Variants in UNC13C observed in about 807,000 individuals in gnomAD.
UNC13C encodes the protein protein unc-13 homolog C.
A neutral mutation model predicts 245.4 loss-of-function variants in UNC13C; 174 were observed. The observed-to-expected ratio is 0.71, with a 90% CI of 0.63 to 0.80. The LOEUF is 0.80. Ranked by LOEUF, UNC13C falls within the 30% of genes least tolerant of loss-of-function variation. The pLI, the probability that UNC13C is intolerant of heterozygous loss-of-function variation, is 0.00. For synonymous variants in UNC13C, 992 were observed against 895.1 expected, an observed-to-expected ratio of 1.11 and a Z score of -1.93; for missense variants, 2,829 against 2,602.9, an observed-to-expected ratio of 1.09 and a Z score of -1.89.
intron 14 of UNC13C, among the ~76,000 whole-genome samples, chr15:54,328,522 A>G (rs1202739785): frequency 6.6e-6 from 1 of 152,108 alleles, no homozygotes; most frequent in African/African-American, 2.4e-5. Flanking sequence ...AGGGCTGAAG[A>G]GCTTAAGCAT....
intron 2 of UNC13C, among the ~76,000 whole-genome samples, chr15:54,109,198 C>T (rs1347085343): frequency 6.6e-6 from 1 of 150,880 alleles, no homozygotes; most frequent in Non-Finnish European, 1.5e-5. Flanking sequence ...TAGTTAGCAA[C>T]CTCTCTGCTA....
intron 4 of UNC13C, among the ~76,000 whole-genome samples, chr15:54,189,022 T>C (rs1212643628): frequency 6.6e-6 from 1 of 152,170 alleles, no homozygotes; most frequent in Non-Finnish European, 1.5e-5. Context: ...GAATGCTGGT[T>C]TTTAGGTGAA....
chr15:54,295,577 G>A (rs555649899), intron 11 of UNC13C, among the ~76,000 whole-genome samples: 1 of 152,054 alleles, frequency 6.6e-6, no homozygotes, highest in African/African-American at 2.4e-5. Flanking sequence ...CTCGAATCCA[G>A]GACACTGAGG....
intron 19 of UNC13C, among the ~76,000 whole-genome samples, chr15:54,456,582 C>T (rs77479207): frequency 0.015 from 2,178 of 145,666 alleles, 44 homozygotes; most frequent in African/African-American, 0.05. Flanking sequence ...TAGGTTTACT[C>T]CTATGTATTT....
intron 19 of UNC13C, among the ~76,000 whole-genome samples, chr15:54,430,303 T>C (rs921757095): frequency 1.3e-5 from 2 of 151,706 alleles, no homozygotes; most frequent in African/African-American, 4.8e-5. Flanking sequence ...CTGGAGCATA[T>C]TGGTTACTGC....
intron 2 of UNC13C, among the ~76,000 whole-genome samples, chr15:54,083,500 T>G (rs1899067585): frequency 6.6e-6 from 1 of 152,122 alleles, no homozygotes; most frequent in Admixed American, 6.5e-5. Flanking sequence ...AAAAGCACTT[T>G]CTCCAAGTGT....
chr15:53,972,671 C>G, the UNC13C span: 1 of 152,116 alleles, frequency 6.6e-6, no homozygotes, highest in Non-Finnish European at 1.5e-5. Flanking sequence ...AATTCTCACC[C>G]AGTCATCAGG....
At chr15:54,020,012 T>C (rs1895824158) in intron 2 of UNC13C, among the ~76,000 whole-genome samples, 2 of 152,074 alleles carry the variant, frequency 1.3e-5, no homozygotes, top group South Asian at 2.1e-4. Flanking sequence ...ACACACACAA[T>C]TAAAAACATA....
chr15:53,959,837 C>A, the UNC13C span, among the ~76,000 whole-genome samples: 2 of 152,260 alleles, frequency 1.3e-5, no homozygotes, highest in Admixed American at 6.5e-5. Flanking sequence ...TATATTTCTT[C>A]ATGGACTTCA....
intron 26 of UNC13C, among the ~76,000 whole-genome samples, chr15:54,537,740 C>T (rs1896047055): frequency 1.3e-5 from 2 of 151,104 alleles, no homozygotes; most frequent in South Asian, 2.1e-4. Context: ...AGGGAAAGAA[C>T]TTCCTAGTCA....
intron 6 of UNC13C, among the ~76,000 whole-genome samples, chr15:54,237,063 G>A (rs1266080921): frequency 6.6e-6 from 1 of 152,080 alleles, no homozygotes; most frequent in Non-Finnish European, 1.5e-5. Flanking sequence ...GATCACTCAA[G>A]TTACCAGCAT....
At chr15:53,909,880 T>A in the UNC13C span, among the ~76,000 whole-genome samples, 1 of 146,916 alleles carries the variant, frequency 6.8e-6, no homozygotes, top group Non-Finnish European at 1.5e-5. Flanking sequence ...GGGAACCACT[T>A]GAGCACTGAA....
chr15:54,428,296 G>T lies in UNC13C; in HGVS notation c.4933+13229G>T, dbSNP rs569986497. On this transcript the variant is annotated intron_variant, in intron 19 of 32. Coordinates refer to ENST00000260323, the MANE Select transcript of UNC13C (RefSeq NM_001080534.3). ...TCTTTACCCTGAACTGGAAGGCCCC[G>T]CATTGTTGCTGGAGGCCCTGTCTCT... is the stretch of plus-strand genomic sequence containing the variant. 5.3e-5 allele frequency among the ~76,000 whole-genome samples: 8 copies of T among 151,716 alleles called. No individual in the cohort carries two copies. The East Asian group carries it at 1.6e-3, about 30-fold the overall frequency.
At chr15:54,044,911 T>C (rs1351635137) in intron 2 of UNC13C, among the ~76,000 whole-genome samples, 1 of 152,094 alleles carries the variant, frequency 6.6e-6, no homozygotes, top group Non-Finnish European at 1.5e-5. Flanking sequence ...GCCCAGTTTT[T>C]AGTTTGGTTA....
intron 17 of UNC13C, among the ~76,000 whole-genome samples, chr15:54,354,309 G>A (rs2039046762): frequency 6.6e-6 from 1 of 152,136 alleles, no homozygotes; most frequent in South Asian, 2.1e-4. Context: ...TACTTGCCTT[G>A]TTTTTGTGCT....
At chr15:54,096,654 A>T (rs1172587512) in intron 2 of UNC13C, among the ~76,000 whole-genome samples, 2 of 152,070 alleles carry the variant, frequency 1.3e-5, no homozygotes, top group Non-Finnish European at 2.9e-5. Context: ...ATCCACACTA[A>T]CTTTCTTACC....
chr15:54,317,592 AATTT>A (rs2038041509), intron 13 of UNC13C, among the ~76,000 whole-genome samples: 1 of 151,862 alleles, frequency 6.6e-6, no homozygotes, highest in Admixed American at 6.6e-5. Context: ...TTTACTTTCA[AATTT>A]ATTTAGTTTA....
chr15:54,417,047 A>C, intron 19 of UNC13C: 1 of 443,972 alleles, frequency 2.3e-6, no homozygotes, highest in South Asian at 1.6e-5. Flanking sequence ...CCCAGGAATA[A>C]ACTTATTTTA....
chr15:54,079,406 A>G (rs980297189), intron 2 of UNC13C, among the ~76,000 whole-genome samples: 1 of 151,976 alleles, frequency 6.6e-6, no homozygotes, highest in Non-Finnish European at 1.5e-5. Flanking sequence ...TATGGACAGT[A>G]TAGTCATTTT....
Sources: allele counts gnomAD v4.1 joint callset (sites outside exome capture counted in the v4.1 genomes callset), GRCh38; gene constraint gnomAD v4.1.1; transcripts MANE v1.5; gene names NCBI Gene and HGNC (gene_info 2026-07-23, HGNC 2026-07-21).